The following THEM4 variants were observed in gnomAD, a reference collection of about 807,000 sequenced individuals.
THEM4 encodes thioesterase superfamily member 4.
A neutral mutation model predicts 25.0 loss-of-function variants in THEM4; 22 were observed. That is an observed-to-expected ratio of 0.88 (90% CI 0.63 to 1.26). THEM4 has a LOEUF of 1.26. THEM4 is among the 50% of genes most tolerant of loss of function. THEM4 has a pLI of 0.00. For missense variants in THEM4, 286 were observed against 300.3 expected, an observed-to-expected ratio of 0.95 and a Z score of 0.35; for synonymous variants, 113 against 105.6, an observed-to-expected ratio of 1.07 and a Z score of -0.43.
At position 151,872,277 on chromosome 1, in the gene THEM4, G is replaced by A. The variant is rs879274639; in HGVS notation, c.*2611C>T. On this transcript the variant is annotated 3_prime_UTR_variant, in exon 6 of 6. Transcript: ENST00000368814. ...GCTCTGGCAATGGAGGGCTCCAGCT[G>A]ATCTTTTGGCTGTGGAAGGATGACT... Among the ~76,000 whole-genome samples the A allele has an allele frequency of 1.3e-5, 2 of 152,224 alleles. No homozygotes were observed. The highest frequency in any genetic ancestry group is 2.9e-5 in the Non-Finnish European group (2 of 68,038).
At chr1:151,906,342 G>A (rs1042618772) in intron 1 of THEM4, among the ~76,000 whole-genome samples, 46 of 152,364 alleles carry the variant, frequency 3.0e-4, no homozygotes, top group East Asian at 1.2e-3. Flanking sequence ...CGCTGCGCTC[G>A]ATTTCTCACT....
At chr1:151,887,373 T>A (rs1489831598) in intron 4 of THEM4, among the ~76,000 whole-genome samples, 1 of 151,930 alleles carries the variant, frequency 6.6e-6, no homozygotes, top group Non-Finnish European at 1.5e-5. Flanking sequence ...GATGTTGCAA[T>A]GAGCTGAGAT....
Position 151,871,328 on chromosome 1 carries a change from A to C in THEM4, c.*3560T>G, listed in dbSNP as rs1653550056. ...CGACAGAGCCAGACCCTGTCTTGAA[A>C]AAAAAAAAAAAAAAAGAAAAAGAAA... On this transcript the variant is annotated 3_prime_UTR_variant, in exon 6 of 6. Transcript: ENST00000368814. Among the ~76,000 whole-genome samples, 1 of 32,874 alleles carries C rather than the reference A, an allele frequency of 3.0e-5. No individual in the cohort carries two copies. Among genetic ancestry groups the C allele is most frequent in the African/African-American group, 6.3e-5 (1 of 15,932 alleles). 21.6% of individuals were successfully genotyped at this position (32,874 alleles called of 152,430 possible). A position where few individuals can be genotyped will look rare whatever the true frequency, so the allele number is the denominator to read the frequency against.
intron 4 of THEM4, among the ~76,000 whole-genome samples, chr1:151,883,107 T>TTTATTTATTTAC: frequency 6.7e-6 from 1 of 148,726 alleles, no homozygotes; most frequent in African/African-American, 2.5e-5. Flanking sequence ...TATTTATTTA[T>TTTATTTATTTAC]TTATTTATTT....
At chr1:151,893,077 G>A (rs1371257615) in intron 2 of THEM4, among the ~76,000 whole-genome samples, 1 of 152,062 alleles carries the variant, frequency 6.6e-6, no homozygotes, top group Non-Finnish European at 1.5e-5. Flanking sequence ...TTGAGGGAGT[G>A]GGTTCAAGAT....
intron 2 of THEM4, chr1:151,889,587 TAA>T: frequency 2.1e-6 from 1 of 474,998 alleles, no homozygotes; most frequent in Non-Finnish European, 3.7e-6. Context: ...GGGGACAGAG[TAA>T]ACAGACATGA....
intron 1 of THEM4, among the ~76,000 whole-genome samples, chr1:151,899,848 T>C (rs570782995): frequency 3.4e-4 from 52 of 152,290 alleles, no homozygotes; most frequent in African/African-American, 1.1e-3. Flanking sequence ...CCCAGACACA[T>C]TGTCATCAGG....
chr1:151,908,132 A>T (rs1654513991), intron 1 of THEM4, among the ~76,000 whole-genome samples: 1 of 152,168 alleles, frequency 6.6e-6, no homozygotes, highest in African/African-American at 2.4e-5. Context: ...TCTCCAACCC[A>T]TCAGCAGTAT....
intron 4 of THEM4, among the ~76,000 whole-genome samples, chr1:151,882,308 G>A (rs770252825): frequency 1.3e-4 from 19 of 151,354 alleles, no homozygotes; most frequent in East Asian, 1.9e-4. Context: ...CGCAGGAGGC[G>A]GAGGTTGGAA....
At position 151,907,076 on chromosome 1, in the gene THEM4, G is replaced by C. The variant is rs149817757; in HGVS notation, c.99+2284C>G. On this transcript the variant is annotated intron_variant, in intron 1 of 5. Transcript: ENST00000368814. ...TGGGTCCACACTGCCTTTATGAGCT[G>C]TAACACTCACCGCGAAGGTCTGCAG... Among the ~76,000 whole-genome samples, 1,511 of 152,042 alleles carry C rather than the reference G, an allele frequency of 9.9e-3. 27 individuals are homozygous for C. The highest frequency in any genetic ancestry group is 0.035 in the African/African-American group (1,452 of 41,428).
intron 4 of THEM4, among the ~76,000 whole-genome samples, chr1:151,885,888 C>G (rs1418411214): frequency 6.6e-6 from 1 of 152,174 alleles, no homozygotes; most frequent in African/African-American, 2.4e-5. Context: ...TTAATTGACA[C>G]TGCAAATTAT....
chr1:151,884,687 G>GTTTTTT (rs11371460), intron 4 of THEM4, among the ~76,000 whole-genome samples: 7 of 146,502 alleles, frequency 4.8e-5, no homozygotes, highest in Non-Finnish European at 9.0e-5. Context: ...CCTTTTTTTT[G>GTTTTTT]TTTTTTTTTT....
chr1:151,886,020 A>T (rs1449502488), intron 4 of THEM4, among the ~76,000 whole-genome samples: 6 of 152,224 alleles, frequency 3.9e-5, no homozygotes, highest in African/African-American at 1.4e-4. Flanking sequence ...ACAAAAAAAC[A>T]GAGAGTGATA....
chr1:151,881,577 T>G (rs1470842123), intron 4 of THEM4, among the ~76,000 whole-genome samples: 2 of 152,218 alleles, frequency 1.3e-5, no homozygotes, highest in African/African-American at 4.8e-5. Flanking sequence ...AACTTTAGCT[T>G]TGCTGAGAGC....
At chr1:151,907,909 C>A (rs1654507324) in intron 1 of THEM4, among the ~76,000 whole-genome samples, 1 of 152,102 alleles carries the variant, frequency 6.6e-6, no homozygotes, top group African/African-American at 2.4e-5. Context: ...GTGTGGTGTC[C>A]AGTAGCCACA....
intron 4 of THEM4, among the ~76,000 whole-genome samples, chr1:151,887,410 A>G (rs1653994691): frequency 6.6e-6 from 1 of 152,154 alleles, no homozygotes; most frequent in South Asian, 2.1e-4. Flanking sequence ...AGCCTGAGCA[A>G]TAAAGTGAGA....
intron 3 of THEM4, among the ~76,000 whole-genome samples, chr1:151,888,891 A>G (rs1484636651): frequency 0.018 from 1 of 56 alleles, no homozygotes; most frequent in African/African-American, 0.036. Flanking sequence ...ATATGAAAAA[A>G]AAGAAAAAAA....
At position 151,872,513 on chromosome 1, in the gene THEM4, G is replaced by A. The variant is rs543372569; in HGVS notation, c.*2375C>T. Among the ~76,000 whole-genome samples, 16 of 152,286 alleles carry A rather than the reference G, an allele frequency of 1.1e-4. No homozygotes were observed. Among genetic ancestry groups the A allele is most frequent in the Non-Finnish European group, 1.6e-4 (11 of 68,026 alleles). The stretch of plus-strand genomic sequence containing the variant: ...ATTTTCCAGAACATTAGTCTCTGTA[G>A]GGAAAAGAGAGATCAGACTGTTACT... On this transcript the variant is annotated 3_prime_UTR_variant, in exon 6 of 6. Coordinates refer to ENST00000368814, the MANE Select transcript of THEM4 (RefSeq NM_053055.5).
intron 1 of THEM4, among the ~76,000 whole-genome samples, chr1:151,897,804 T>G (rs1654257461): frequency 6.6e-6 from 1 of 152,118 alleles, no homozygotes; most frequent in African/African-American, 2.4e-5. Context: ...GACCCTCCTC[T>G]CCTGAACACA....
Sources: allele counts gnomAD v4.1 joint callset (sites outside exome capture counted in the v4.1 genomes callset), GRCh38; gene constraint gnomAD v4.1.1; transcripts MANE v1.5; gene names NCBI Gene and HGNC (gene_info 2026-07-23, HGNC 2026-07-21).